The following CYB5B variants were observed in gnomAD, a reference collection of about 807,000 sequenced individuals.
The protein encoded by CYB5B is cytochrome b5 type B (outer mitochondrial membrane).
Under a neutral mutation model 21.3 loss-of-function variants are expected in CYB5B, and 14 were observed. The ratio of observed to expected loss-of-function variants is 0.66; its 90% CI spans 0.43 to 1.03. CYB5B has a LOEUF of 1.03. CYB5B is among the 50% of genes least tolerant of loss of function. The pLI is 0.00. For synonymous variants in CYB5B, 69 were observed against 68.4 expected (o/e 1.01, Z -0.04); for missense variants, 166 against 185.1 (o/e 0.90, Z 0.60).
intron 1 of CYB5B, 111 bp downstream of exon 1, chr16:69,424,968 A>T: frequency 8.5e-7 from 1 of 1,180,474 alleles, no homozygotes; most frequent in Non-Finnish European, 1.1e-6. Flanking sequence ...GATAAGGCGT[A>T]AGAAAGGGAT....
intron 1 of CYB5B, among the ~76,000 whole-genome samples, chr16:69,434,128 A>G (rs1208145168): frequency 1.3e-5 from 2 of 152,202 alleles, no homozygotes; most frequent in Non-Finnish European, 2.9e-5. Context: ...TATTTCTAAC[A>G]CTATAGTACG....
intron 1 of CYB5B, among the ~76,000 whole-genome samples, chr16:69,441,493 T>C (rs1181880242): frequency 6.6e-6 from 1 of 152,208 alleles, no homozygotes; most frequent in Non-Finnish European, 1.5e-5. Context: ...GAAAGCGAGA[T>C]GGTTTAATTT....
At chr16:69,434,306 A>G (rs902907948) in intron 1 of CYB5B, among the ~76,000 whole-genome samples, 5 of 152,200 alleles carry the variant, frequency 3.3e-5, no homozygotes, top group African/African-American at 9.7e-5. Context: ...TGGGGCTGTT[A>G]TGAATAAAAC....
chr16:69,442,538 T>C (rs575130078), intron 1 of CYB5B, among the ~76,000 whole-genome samples: 29 of 152,224 alleles, frequency 1.9e-4, no homozygotes, highest in African/African-American at 6.7e-4. Context: ...TTATGTATTT[T>C]TAATTTTTTT....
intron 1 of CYB5B, among the ~76,000 whole-genome samples, chr16:69,427,975 G>A (rs1478571955): frequency 2.1e-5 from 3 of 144,902 alleles, no homozygotes; most frequent in South Asian, 2.2e-4. Context: ...CAGCCTGGGC[G>A]ACAGTCAGAC....
At position 69,424,752 on chromosome 16, in the gene CYB5B, A is replaced by G. The variant is rs777690436; in HGVS notation, c.69A>G (p.Ser23=). Residue 23 remains serine (S), a synonymous_variant, in exon 1 of 5, where the codon TCA becomes TCG. Transcript: ENST00000307892. ...SDGKGQEVET[S]VTYYRLEEVA... ...GGAAAGGGCAGGAAGTCGAGACCTC[A>G]GTCACCTATTACCGGTTGGAGGAGG... 6.2e-7 allele frequency: 1 copy of G among 1,602,886 alleles called. No individual in the cohort carries two copies. Among genetic ancestry groups the G allele is most frequent in the African/African-American group, 1.3e-5 (1 of 74,244 alleles).
chr16:69,432,460 A>G (rs534937354), intron 1 of CYB5B, among the ~76,000 whole-genome samples: 1 of 152,346 alleles, frequency 6.6e-6, no homozygotes, highest in East Asian at 1.9e-4. Flanking sequence ...AAGTTAGGGT[A>G]GGCTAAACTC....
chr16:69,426,489 G>A (rs1164704153), intron 1 of CYB5B, among the ~76,000 whole-genome samples: 1 of 150,662 alleles, frequency 6.6e-6, no homozygotes, highest in Non-Finnish European at 1.5e-5. Context: ...GGCGGATCAC[G>A]AGATCAAGAG....
intron 1 of CYB5B, among the ~76,000 whole-genome samples, chr16:69,435,032 T>G (rs2142811964): frequency 1.3e-5 from 2 of 152,248 alleles, no homozygotes; most frequent in South Asian, 4.1e-4. Context: ...AAAATTGGGT[T>G]GTTTGTTATT....
chr16:69,442,451 A>G (rs1271663578), intron 1 of CYB5B, among the ~76,000 whole-genome samples: 1 of 152,150 alleles, frequency 6.6e-6, no homozygotes, highest in Non-Finnish European at 1.5e-5. Context: ...CCTGGCTCAG[A>G]TAAGAATGAT....
intron 1 of CYB5B, among the ~76,000 whole-genome samples, chr16:69,431,486 A>G (rs2142809664): frequency 6.6e-6 from 1 of 151,900 alleles, no homozygotes; most frequent in South Asian, 2.1e-4. Context: ...TAAAAACAAA[A>G]CAAAGCTGGG....
intron 1 of CYB5B, among the ~76,000 whole-genome samples, chr16:69,435,057 AT>A (rs577815572): frequency 6.6e-6 from 1 of 151,776 alleles, no homozygotes; most frequent in Non-Finnish European, 1.5e-5. Context: ...ACTTGAAAGC[AT>A]TTTTTTCTAG....
At chr16:69,427,993 CAAAA>C (rs71151104) in intron 1 of CYB5B, among the ~76,000 whole-genome samples, 5 of 100,992 alleles carry the variant, frequency 5.0e-5, no homozygotes, top group East Asian at 6.6e-4. Flanking sequence ...GACTCTGTCT[CAAAA>C]AAAAAAAAAA....
At chr16:69,440,417 G>T (rs1160229339) in intron 1 of CYB5B, among the ~76,000 whole-genome samples, 1 of 152,106 alleles carries the variant, frequency 6.6e-6, no homozygotes, top group Non-Finnish European at 1.5e-5. Context: ...TGTAGTAAGT[G>T]AACACACTTG....
chr16:69,426,286 C>T (rs542658177), intron 1 of CYB5B, among the ~76,000 whole-genome samples: 5 of 151,788 alleles, frequency 3.3e-5, no homozygotes, highest in African/African-American at 1.2e-4. Flanking sequence ...GTAGTCCCAG[C>T]TGCTCGTGAG....
intron 1 of CYB5B, among the ~76,000 whole-genome samples, chr16:69,433,827 T>A (rs2014730754): frequency 6.6e-6 from 1 of 152,190 alleles, no homozygotes; most frequent in African/African-American, 2.4e-5. Flanking sequence ...ATTTTACCCC[T>A]TCACAAACAT....
chr16:69,427,237 A>T (rs563368004), intron 1 of CYB5B, among the ~76,000 whole-genome samples: 1 of 152,258 alleles, frequency 6.6e-6, no homozygotes, highest in Admixed American at 6.5e-5. Context: ...CTCCATCTCA[A>T]AAAAAGAAAA....
chr16:69,429,999 T>C (rs1217757587), intron 1 of CYB5B, among the ~76,000 whole-genome samples: 1 of 152,202 alleles, frequency 6.6e-6, no homozygotes, highest in Non-Finnish European at 1.5e-5. Context: ...TGTCTTTCCC[T>C]GGCAGATTAA....
At chr16:69,431,628 C>A (rs993614698) in intron 1 of CYB5B, among the ~76,000 whole-genome samples, 1 of 151,994 alleles carries the variant, frequency 6.6e-6, no homozygotes, top group Admixed American at 6.6e-5. Context: ...GAAAATTAGA[C>A]GAGCATGGTG....
Sources: gnomAD v4.1 joint callset for allele counts (sites outside exome capture counted in the v4.1 genomes callset) on GRCh38, gnomAD v4.1.1 for gene constraint, MANE v1.5 for transcripts, NCBI Gene and HGNC (gene_info 2026-07-23, HGNC 2026-07-21) for gene names.